Variants in RELN observed in about 807,000 individuals in gnomAD.
RELN encodes reelin.
RELN carries 108 observed loss-of-function variants against 427.6 expected under a neutral mutation model. That is an observed-to-expected ratio of 0.25 (90% confidence interval 0.22 to 0.30). RELN has a LOEUF of 0.30. Ranked by LOEUF, RELN falls within the 10% of genes least tolerant of loss-of-function variation. The pLI, the probability that RELN is intolerant of heterozygous loss-of-function variation, is 1.00. For missense variants in RELN, 3,715 were observed against 4,302.8 expected (o/e 0.86, Z 3.82); for synonymous variants, 1,524 against 1,513.4 (o/e 1.01, Z -0.16).
intron 1 of RELN, among the ~76,000 whole-genome samples, chr7:103,937,911 T>C (rs1796021968): frequency 6.6e-6 from 1 of 152,194 alleles, no homozygotes; most frequent in Non-Finnish European, 1.5e-5. Context: ...AATAGAGATA[T>C]ATCTGACAAT....
intron 11 of RELN, among the ~76,000 whole-genome samples, chr7:103,672,844 T>A (rs1833424089): frequency 6.6e-6 from 1 of 152,190 alleles, no homozygotes; most frequent in African/African-American, 2.4e-5. Flanking sequence ...TTGTTTATTA[T>A]GTGCCATGCT....
chr7:103,757,840 C>A, intron 4 of RELN, among the ~76,000 whole-genome samples: 1 of 152,068 alleles, frequency 6.6e-6, no homozygotes, highest in Admixed American at 6.6e-5. Context: ...TGTGGGGAAC[C>A]TTCATAATAT....
At chr7:103,983,863 C>CTGTGTGTGTGTGTGTG (rs59702742) in intron 1 of RELN, among the ~76,000 whole-genome samples, 21 of 148,430 alleles carry the variant, frequency 1.4e-4, no homozygotes, top group African/African-American at 4.7e-4. Context: ...CTTCATATTT[C>CTGTGTGTGTGTGTGTG]TGTGTGTGTG....
intron 36 of RELN, among the ~76,000 whole-genome samples, chr7:103,560,994 T>C (rs1424602757): frequency 2.6e-5 from 4 of 152,340 alleles, no homozygotes; most frequent in Non-Finnish European, 4.4e-5. Flanking sequence ...TATGAAGATA[T>C]GCCAGCTTAG....
At chr7:103,959,615 T>C (rs888610789) in intron 1 of RELN, among the ~76,000 whole-genome samples, 1 of 121,302 alleles carries the variant, frequency 8.2e-6, no homozygotes, top group Non-Finnish European at 1.9e-5. Context: ...CTCTCTCTCT[T>C]TTTTTCTTTT....
At chr7:103,597,859 G>A (rs1831574601) in intron 24 of RELN, among the ~76,000 whole-genome samples, 1 of 152,104 alleles carries the variant, frequency 6.6e-6, no homozygotes, top group Non-Finnish European at 1.5e-5. Context: ...TGTTCCTGTT[G>A]TTCAAAATGA....
At chr7:103,671,138 T>A (rs946321426) in intron 11 of RELN, among the ~76,000 whole-genome samples, 1 of 152,130 alleles carries the variant, frequency 6.6e-6, no homozygotes, top group East Asian at 1.9e-4. Flanking sequence ...TTCATGAGGT[T>A]TATCTCTAGT....
intron 31 of RELN, among the ~76,000 whole-genome samples, chr7:103,568,059 A>G (rs1333251327): frequency 6.6e-6 from 1 of 152,116 alleles, no homozygotes; most frequent in Non-Finnish European, 1.5e-5. Flanking sequence ...AGCCTCCCAA[A>G]ATGCTGAGAT....
intron 2 of RELN, among the ~76,000 whole-genome samples, chr7:103,839,049 T>A (rs566548834): frequency 6.6e-6 from 1 of 152,338 alleles, no homozygotes; most frequent in South Asian, 2.1e-4. Context: ...GCAATTCTAA[T>A]GTCTAGCCAA....
At chr7:103,888,600 GTAAAGAAGACTCC>G (rs1794775938) in intron 2 of RELN, among the ~76,000 whole-genome samples, 1 of 152,128 alleles carries the variant, frequency 6.6e-6, no homozygotes, top group African/African-American at 2.4e-5. Context: ...TCAAAATCTA[GTAAAGAAGACTCC>G]CTGGCAGAGC....
chr7:103,706,733 T>C (rs1481003541), intron 8 of RELN, among the ~76,000 whole-genome samples: 1 of 152,040 alleles, frequency 6.6e-6, no homozygotes, highest in Admixed American at 6.6e-5. Flanking sequence ...GGCTCATGAC[T>C]CAAGGCCATA....
intron 1 of RELN, among the ~76,000 whole-genome samples, chr7:103,975,867 G>C (rs1796869711): frequency 6.6e-6 from 1 of 151,954 alleles, no homozygotes. Context: ...GTTTTAAATG[G>C]TGTGGTCAGG....
chr7:103,650,117 A>G (rs1832882920), intron 16 of RELN, among the ~76,000 whole-genome samples, 157 bp downstream of exon 16: 1 of 149,024 alleles, frequency 6.7e-6, no homozygotes, highest in Non-Finnish European at 1.5e-5. Flanking sequence ...GCACATCCCT[A>G]GGCTTCTAAC....
At chr7:103,776,362 A>G (rs1791741814) in intron 4 of RELN, among the ~76,000 whole-genome samples, 195 bp downstream of exon 4, 2 of 152,194 alleles carry the variant, frequency 1.3e-5, no homozygotes, top group Admixed American at 6.6e-5. Context: ...TTTTGCTCAC[A>G]CTTAGTATCT....
At chr7:103,816,093 C>T (rs1298151022) in intron 3 of RELN, among the ~76,000 whole-genome samples, 1 of 152,056 alleles carries the variant, frequency 6.6e-6, no homozygotes, top group Non-Finnish European at 1.5e-5. Context: ...AGACAGGTTT[C>T]ACTGGCCAGG....
chr7:103,932,591 C>T (rs773763834), intron 1 of RELN, among the ~76,000 whole-genome samples: 2 of 152,210 alleles, frequency 1.3e-5, no homozygotes, highest in Non-Finnish European at 2.9e-5. Context: ...GCAGCACATG[C>T]TTCTGTTATT....
intron 10 of RELN, among the ~76,000 whole-genome samples, chr7:103,686,540 G>C (rs937900148): frequency 6.6e-6 from 1 of 151,958 alleles, no homozygotes; most frequent in Non-Finnish European, 1.5e-5. Flanking sequence ...ACACAGGAAA[G>C]AGAAATAAGA....
At chr7:103,704,034 T>TAA (rs1210436677) in intron 8 of RELN, among the ~76,000 whole-genome samples, 1 of 152,194 alleles carries the variant, frequency 6.6e-6, no homozygotes, top group African/African-American at 2.4e-5. Context: ...CTGGCCCCCA[T>TAA]ACACTGATGT....
At chr7:103,643,263 C>T (rs1832729493) in intron 16 of RELN, among the ~76,000 whole-genome samples, 1 of 151,970 alleles carries the variant, frequency 6.6e-6, no homozygotes, top group Non-Finnish European at 1.5e-5. Context: ...ACATTTTGTC[C>T]CTTCTCCTCT....
Sources: gnomAD v4.1 joint callset for allele counts (sites outside exome capture counted in the v4.1 genomes callset) on GRCh38, gnomAD v4.1.1 for gene constraint, MANE v1.5 for transcripts, NCBI Gene and HGNC (gene_info 2026-07-23, HGNC 2026-07-21) for gene names.